CD2AP: variants seen among roughly 807,000 people sequenced by gnomAD.
CD2AP encodes the protein CD2-associated protein.
A neutral mutation model predicts 85.1 loss-of-function variants in CD2AP; 46 were observed. The ratio of observed to expected loss-of-function variants is 0.54; its 90% CI spans 0.43 to 0.69. CD2AP has a LOEUF of 0.69. Ranked by LOEUF, CD2AP falls within the 30% of genes least tolerant of loss-of-function variation. The probability of loss-of-function intolerance (pLI) is 0.00; values close to 1 mark genes in which losing one functional copy is unlikely to be tolerated. For missense variants in CD2AP, 769 were observed against 729.5 expected (o/e 1.05, Z -0.62); for synonymous variants, 255 against 252.9 (o/e 1.01, Z -0.08).
intron 5 of CD2AP, among the ~76,000 whole-genome samples, chr6:47,567,121 A>G (rs1016711194): frequency 6.7e-6 from 1 of 150,236 alleles, no homozygotes; most frequent in Admixed American, 6.6e-5. Context: ...TGTTTAACAT[A>G]TGGGGTATGG....
rs114818512 is a variant in CD2AP at position 47,602,245 on chromosome 6, A to G, written c.1417+2802A>G. Among the ~76,000 whole-genome samples the G allele has an allele frequency of 2.1e-3, 314 of 152,110 alleles. 2 individuals are homozygous for G. The highest frequency in any genetic ancestry group is 6.8e-3 in the Middle Eastern group (2 of 294). ...GATTTTCTTTTTTTAATGACATGAC[A>G]TAACTTTTTAGCTTCTTCATATATA... On this transcript the variant is annotated intron_variant, in intron 13 of 17. Transcript: ENST00000359314.
chr6:47,501,902 A>C (rs1766007103), intron 1 of CD2AP, among the ~76,000 whole-genome samples: 1 of 152,234 alleles, frequency 6.6e-6, no homozygotes, highest in Admixed American at 6.5e-5. Context: ...TTCTGTTTTT[A>C]CATACAATAG....
rs1384797865 is a variant in CD2AP, at chr6:47,611,105, G to T, written c.1815-1368G>T. Among the ~76,000 whole-genome samples the T allele has an allele frequency of 1.0e-4, 15 of 147,478 alleles. 1 individual carries two copies. The highest frequency in any genetic ancestry group is 8.1e-4 in the Admixed American group (12 of 14,752). On this transcript the variant is annotated intron_variant, in intron 16 of 17. Transcript: ENST00000359314. The stretch of plus-strand genomic sequence containing the variant: ...TTTAATATCTAAAAAACTTGCATCA[G>T]CAGGAGAAGGGATAAATACTATTGA...
intron 16 of CD2AP, among the ~76,000 whole-genome samples, chr6:47,610,903 G>A (rs1311741742): frequency 6.8e-6 from 1 of 146,078 alleles, no homozygotes; most frequent in African/African-American, 2.5e-5. Flanking sequence ...CATATTGCCT[G>A]TAGGTGCTCT....
At chr6:47,590,812 A>T (rs1269186658) in intron 11 of CD2AP, among the ~76,000 whole-genome samples, 1 of 152,162 alleles carries the variant, frequency 6.6e-6, no homozygotes, top group African/African-American at 2.4e-5. Context: ...ATTTTCTAAA[A>T]GTGATTAAAA....
intron 2 of CD2AP, among the ~76,000 whole-genome samples, chr6:47,509,308 T>G (rs1437681134): frequency 6.6e-6 from 1 of 151,844 alleles, no homozygotes; most frequent in Non-Finnish European, 1.5e-5. Context: ...ATAACAGATA[T>G]AATGAAGAAG....
chr6:47,543,076 G>A (rs1051020233), intron 3 of CD2AP, among the ~76,000 whole-genome samples: 12 of 149,178 alleles, frequency 8.0e-5, no homozygotes, highest in Non-Finnish European at 1.5e-4. Context: ...GCTTGAACTC[G>A]GGAGGTGGAG....
intron 2 of CD2AP, among the ~76,000 whole-genome samples, chr6:47,511,528 T>G (rs1766313321): frequency 6.6e-6 from 1 of 152,238 alleles, no homozygotes; most frequent in East Asian, 1.9e-4. Context: ...CAGTGTTAAT[T>G]TCTCAGTTTT....
chr6:47,582,771 GTTTTTTTTGT>G (rs1290678442), intron 11 of CD2AP, among the ~76,000 whole-genome samples: 1 of 127,426 alleles, frequency 7.8e-6, no homozygotes, highest in South Asian at 2.5e-4. Flanking sequence ...CCAGGATCAT[GTTTTTTTTGT>G]TTTTTTTTGT....
intron 11 of CD2AP, among the ~76,000 whole-genome samples, chr6:47,585,376 A>C (rs1330244921): frequency 6.6e-6 from 1 of 152,184 alleles, no homozygotes; most frequent in East Asian, 1.9e-4. Flanking sequence ...GTGGAATGAC[A>C]GGGACCGAAT....
At chr6:47,502,566 T>C (rs1209551058) in intron 1 of CD2AP, among the ~76,000 whole-genome samples, 1 of 150,712 alleles carries the variant, frequency 6.6e-6, no homozygotes, top group Non-Finnish European at 1.5e-5. Flanking sequence ...CGTTCTTGGC[T>C]CACTGCAACC....
chr6:47,513,892 TGGG>T, intron 2 of CD2AP, among the ~76,000 whole-genome samples: 1 of 141,836 alleles, frequency 7.1e-6, no homozygotes, highest in African/African-American at 2.6e-5. Context: ...AATTTTTTTT[TGGG>T]GGGGGGGCTA....
chr6:47,568,135 T>C (rs1768053762), intron 5 of CD2AP, among the ~76,000 whole-genome samples: 1 of 152,184 alleles, frequency 6.6e-6, no homozygotes, highest in African/African-American at 2.4e-5. Flanking sequence ...GGTTTTTGGC[T>C]TTGTAAGATG....
chr6:47,503,040 T>G (rs948767800), intron 1 of CD2AP, among the ~76,000 whole-genome samples: 2 of 152,160 alleles, frequency 1.3e-5, no homozygotes, highest in African/African-American at 4.8e-5. Context: ...ATGGCATGAA[T>G]TATGCATTAT....
At position 47,609,112 on chromosome 6, in the gene CD2AP, TA is replaced by T; in HGVS notation, c.1633-10del. 1 of 1,583,654 alleles carries T rather than the reference TA, an allele frequency of 6.3e-7. No homozygotes were observed. Among genetic ancestry groups the T allele is most frequent in the East Asian group, 2.3e-5 (1 of 44,344 alleles). On this transcript the variant is annotated splice_polypyrimidine_tract_variant and intron_variant, in intron 15 of 17. Coordinates refer to ENST00000359314, the MANE Select transcript of CD2AP (RefSeq NM_012120.3). ...TAAATAAAATCAGAAATTTTTTTTT[TA>T]CGTTTTCAGCCATCTGTGTACCTTT...
chr6:47,603,470 C>A (rs1222074501), intron 13 of CD2AP, among the ~76,000 whole-genome samples: 3 of 152,002 alleles, frequency 2.0e-5, no homozygotes, highest in Non-Finnish European at 4.4e-5. Context: ...AGCACCAAGC[C>A]ATCCTTTTGG....
intron 11 of CD2AP, among the ~76,000 whole-genome samples, chr6:47,586,617 A>C (rs1167564410): frequency 6.6e-6 from 1 of 152,162 alleles, no homozygotes; most frequent in Admixed American, 6.5e-5. Flanking sequence ...CAAAATTAAA[A>C]CCTTTTGAGA....
chr6:47,552,693 G>A (rs1482969828), intron 4 of CD2AP, among the ~76,000 whole-genome samples: 2 of 152,098 alleles, frequency 1.3e-5, no homozygotes, highest in Non-Finnish European at 1.5e-5. Flanking sequence ...GGGGTTCCAG[G>A]TATAGGTAAT....
chr6:47,525,636 T>A (rs1434608398), intron 2 of CD2AP, among the ~76,000 whole-genome samples: 1 of 152,200 alleles, frequency 6.6e-6, no homozygotes, highest in Non-Finnish European at 1.5e-5. Flanking sequence ...TTTTTAGTTG[T>A]TTGTTTTGGT....
Sources: allele counts gnomAD v4.1 joint callset (sites outside exome capture counted in the v4.1 genomes callset), GRCh38; gene constraint gnomAD v4.1.1; transcripts MANE v1.5; gene names NCBI Gene and HGNC (gene_info 2026-07-23, HGNC 2026-07-21).